SYN3: variants seen among roughly 807,000 people sequenced by gnomAD.
SYN3 encodes synapsin III, also known as synapsin-3.
SYN3 carries 35 observed loss-of-function variants against 65.8 expected under a neutral mutation model. That is an observed-to-expected ratio of 0.53 (90% CI 0.41 to 0.70). The LOEUF is 0.70. SYN3 is among the 30% of genes least tolerant of loss of function. The probability of loss-of-function intolerance (pLI) is 0.00; values close to 1 mark genes in which losing one functional copy is unlikely to be tolerated. For synonymous variants in SYN3, 270 were observed against 292.9 expected, an observed-to-expected ratio of 0.92 and a Z score of 0.80; for missense variants, 680 against 749.0, an observed-to-expected ratio of 0.91 and a Z score of 1.08.
intron 2 of SYN3, among the ~76,000 whole-genome samples, chr22:33,005,088 C>T (rs1358869641): frequency 1.3e-5 from 2 of 152,162 alleles, no homozygotes; most frequent in Non-Finnish European, 2.9e-5. Flanking sequence ...GAGGTGCCTT[C>T]CACCATAATT....
chr22:32,841,637 G>A (rs1195510410), intron 6 of SYN3, among the ~76,000 whole-genome samples: 2 of 151,392 alleles, frequency 1.3e-5, no homozygotes, highest in African/African-American at 4.9e-5. Context: ...GGATATATAA[G>A]TAAAAAGATC....
chr22:32,978,762 G>C (rs1244542817), intron 3 of SYN3, among the ~76,000 whole-genome samples: 3 of 152,126 alleles, frequency 2.0e-5, no homozygotes, highest in Non-Finnish European at 4.4e-5. Flanking sequence ...AGCTCTCTGA[G>C]CCCAAGTTTC....
chr22:32,569,557 C>CTATATATATATATATA (rs1401047566), intron 7 of SYN3, among the ~76,000 whole-genome samples: 5 of 76,590 alleles, frequency 6.5e-5, no homozygotes, highest in Admixed American at 3.0e-4. Context: ...CTCTCTCTCT[C>CTATATATATATATATA]TCTCTCTCTC....
intron 3 of SYN3, among the ~76,000 whole-genome samples, chr22:32,935,215 A>T (rs2050736803): frequency 6.6e-6 from 1 of 152,072 alleles, no homozygotes; most frequent in South Asian, 2.1e-4. Context: ...GGCCAGGTAA[A>T]GCTCCTTTAT....
intron 7 of SYN3, among the ~76,000 whole-genome samples, chr22:32,549,959 C>T (rs764874024): frequency 8.6e-5 from 13 of 151,400 alleles, no homozygotes; most frequent in South Asian, 2.1e-4. Context: ...GGAAGGGAAG[C>T]GGGAGGTGAC....
At chr22:32,895,903 G>A (rs1001937910) in intron 4 of SYN3, among the ~76,000 whole-genome samples, 1 of 152,114 alleles carries the variant, frequency 6.6e-6, no homozygotes, top group Non-Finnish European at 1.5e-5. Flanking sequence ...ACCTCTCTGT[G>A]TATAAGAAGG....
chr22:32,949,945 T>C (rs138100572), intron 3 of SYN3, among the ~76,000 whole-genome samples: 7 of 152,230 alleles, frequency 4.6e-5, no homozygotes, highest in African/African-American at 7.2e-5. Flanking sequence ...TGAGGGAGGA[T>C]TGTGACACAA....
chr22:32,981,182 G>A (rs571702524), intron 2 of SYN3, among the ~76,000 whole-genome samples: 5 of 151,944 alleles, frequency 3.3e-5, no homozygotes, highest in African/African-American at 9.6e-5. Context: ...TAGGTGGTGT[G>A]TGGTAGAGGG....
intron 7 of SYN3, among the ~76,000 whole-genome samples, chr22:32,595,056 C>T (rs1399952295): frequency 6.6e-6 from 1 of 152,162 alleles, no homozygotes; most frequent in African/African-American, 2.4e-5. Flanking sequence ...TGTTTCTGAA[C>T]CAGAGGCTTG....
At chr22:32,881,420 G>A (rs1448937029) in intron 4 of SYN3, among the ~76,000 whole-genome samples, 1 of 152,168 alleles carries the variant, frequency 6.6e-6, no homozygotes. Flanking sequence ...ACTAGTCAGA[G>A]GGCTCACTTA....
At chr22:32,956,027 ACT>A (rs2051442543) in intron 3 of SYN3, among the ~76,000 whole-genome samples, 1 of 97,884 alleles carries the variant, frequency 1.0e-5, no homozygotes, top group African/African-American at 5.1e-5. Flanking sequence ...AGTTAATACT[ACT>A]TAATAAATTC....
chr22:32,569,273 A>ATCTGTCTG (rs71184593), intron 7 of SYN3, among the ~76,000 whole-genome samples: 5 of 149,326 alleles, frequency 3.3e-5, no homozygotes, highest in Middle Eastern at 3.4e-3. Flanking sequence ...CTATCTATCT[A>ATCTGTCTG]TCTATCTATC....
intron 6 of SYN3, among the ~76,000 whole-genome samples, chr22:32,738,106 C>T (rs949937633): frequency 3.9e-5 from 6 of 152,190 alleles, no homozygotes; most frequent in African/African-American, 1.4e-4. Context: ...TTAACGTTGA[C>T]CCCGTACCAA....
chr22:33,037,492 T>A (rs5994660), intron 1 of SYN3, among the ~76,000 whole-genome samples: 2,461 of 152,340 alleles, frequency 0.016, 27 homozygotes, highest in Middle Eastern at 0.041. Context: ...TTTCTAATAG[T>A]GTTTGTCAAA....
At chr22:32,686,590 A>ATTTT (rs149862418) in intron 6 of SYN3, among the ~76,000 whole-genome samples, 14 of 72,332 alleles carry the variant, frequency 1.9e-4, no homozygotes, top group African/African-American at 3.3e-4. Flanking sequence ...CTGCTCCTCC[A>ATTTT]TTTTTTTTTT....
intron 10 of SYN3, among the ~76,000 whole-genome samples, chr22:32,531,905 C>T (rs1027274718): frequency 3.5e-5 from 4 of 115,462 alleles, no homozygotes; most frequent in Admixed American, 9.1e-5. Flanking sequence ...ACTACTTTTA[C>T]TTTTTTTTTT....
intron 6 of SYN3, among the ~76,000 whole-genome samples, chr22:32,689,800 G>C (rs2060638557): frequency 6.6e-6 from 1 of 152,162 alleles, no homozygotes; most frequent in Non-Finnish European, 1.5e-5. Flanking sequence ...CTAATGTGAT[G>C]GTGTTAGGAG....
intron 2 of SYN3, among the ~76,000 whole-genome samples, chr22:32,989,482 C>A (rs1477772656): frequency 6.6e-6 from 1 of 152,152 alleles, no homozygotes; most frequent in African/African-American, 2.4e-5. Context: ...ATGATGGAGA[C>A]CTTCCCTGTC....
intron 6 of SYN3, among the ~76,000 whole-genome samples, chr22:32,692,996 G>A (rs1392610238): frequency 6.6e-6 from 1 of 152,144 alleles, no homozygotes; most frequent in African/African-American, 2.4e-5. Flanking sequence ...ACGGCTGGAT[G>A]TGCAGTAGCC....
Sources: allele counts gnomAD v4.1 joint callset (sites outside exome capture counted in the v4.1 genomes callset), GRCh38; gene constraint gnomAD v4.1.1; transcripts MANE v1.5; gene names NCBI Gene and HGNC (gene_info 2026-07-23, HGNC 2026-07-21).